KTN1: variants seen among roughly 807,000 people sequenced by gnomAD.
KTN1 encodes kinectin.
KTN1 carries 130 observed loss-of-function variants against 222.5 expected under a neutral mutation model. The ratio of observed to expected loss-of-function variants is 0.58; its 90% CI spans 0.51 to 0.68. The LOEUF (loss-of-function observed/expected upper bound fraction) is 0.68, where lower values mean the gene tolerates loss of function less well. KTN1 is among the 30% of genes least tolerant of loss of function. KTN1 has a pLI of 0.00. For missense variants in KTN1, 1,508 were observed against 1,500.4 expected (o/e 1.01, Z -0.08); for synonymous variants, 512 against 496.3 (o/e 1.03, Z -0.42).
intron 38 of KTN1, 32 bp from the exon 39 acceptor site, chr14:55,672,897 G>C: frequency 6.5e-7 from 1 of 1,536,544 alleles, no homozygotes; most frequent in East Asian, 2.3e-5. Flanking sequence ...GAAATTTTAA[G>C]TGTGTTAACT....
chr14:55,627,976 C>A lies in KTN1; in HGVS notation c.1028C>A (p.Ala343Asp). Reference protein sequence around the residue: ...QLQEKDKLLAAVKEDAAATKD... With the variant: ...QLQEKDKLLADVKEDAAATKD... ...CAAGAAAAGGACAAGTTACTCGCTGCTGTGAAGGAAGATGCTGCTGCTACA... is the reference window on the plus strand; with the variant it reads ...CAAGAAAAGGACAAGTTACTCGCTGATGTGAAGGAAGATGCTGCTGCTACA... The change falls in exon 6 of 44, where the codon GCT becomes GAT. Residue 343 changes from alanine (A) to aspartate (D), a missense_variant. By Grantham distance (126) the Ala-to-Asp change is moderately radical. Coordinates refer to ENST00000395314, the MANE Select transcript of KTN1 (RefSeq NM_001079521.2). 1 of 1,613,858 alleles carries A rather than the reference C, an allele frequency of 6.2e-7. No homozygotes were observed. Among genetic ancestry groups the A allele is most frequent in the Non-Finnish European group, 8.5e-7 (1 of 1,179,790 alleles).
intron 35 of KTN1, chr14:55,671,263 C>A (rs1388451643): frequency 6.3e-6 from 2 of 317,830 alleles, no homozygotes; most frequent in East Asian, 1.1e-4. Context: ...TGAATAAAAT[C>A]CTCTTTCCCA....
At chr14:55,646,494 CCTTTCCTTTCCTTTCCTTTCCTTT>C (rs2042353325) in intron 18 of KTN1, among the ~76,000 whole-genome samples, 4 of 105,714 alleles carry the variant, frequency 3.8e-5, no homozygotes, top group South Asian at 3.4e-4. Context: ...CCTTTCCTTT[CCTTTCCTTTCCTTTCCTTTCCTTT>C]CCTTTCCTTT....
chr14:55,607,376 C>G (rs2036885555), intron 1 of KTN1: 1 of 151,994 alleles, frequency 6.6e-6, no homozygotes, highest in Admixed American at 6.5e-5. Flanking sequence ...AATGAAAACT[C>G]TCAATATAGA....
Position 55,672,959 on chromosome 14 carries a change from G to A in KTN1, c.3634G>A (p.Glu1212Lys), listed in dbSNP as rs370695157. Residue 1212 changes from glutamate (E) to lysine (K), a missense_variant, in exon 39 of 44, where the codon GAA becomes AAA. By Grantham distance (56) the Glu-to-Lys change is moderately conservative. Coordinates refer to ENST00000395314, the MANE Select transcript of KTN1 (RefSeq NM_001079521.2). ...LRREREHLEM[E>K]LEKAEMERST... Reference sequence around the variant, plus strand: ...AAGAGAACGAGAACATTTGGAAATGGAACTAGAAAAGGCAGAGATGGAACG... The same window carrying A: ...AAGAGAACGAGAACATTTGGAAATGAAACTAGAAAAGGCAGAGATGGAACG... 108 of 1,613,254 alleles carry A rather than the reference G, an allele frequency of 6.7e-5. No homozygotes were observed. Among genetic ancestry groups the A allele is most frequent in the Non-Finnish European group, 9.0e-5 (106 of 1,179,464 alleles).
intron 17 of KTN1, 49 bp from the exon 18 acceptor site, chr14:55,641,643 T>A (rs757721531): frequency 4.3e-6 from 5 of 1,150,556 alleles, no homozygotes; most frequent in Non-Finnish European, 6.6e-6. Flanking sequence ...ATGATTGCTT[T>A]ATTACCTTTT....
chr14:55,658,661 T>A, intron 30 of KTN1, 47 bp downstream of exon 30: 1 of 1,112,520 alleles, frequency 9.0e-7, no homozygotes, highest in Non-Finnish European at 1.3e-6. Context: ...GGCAAAAAAA[T>A]TATATAACCA....
intron 7 of KTN1, among the ~76,000 whole-genome samples, chr14:55,631,388 A>G (rs1224538225): frequency 3.7e-5 from 5 of 136,982 alleles, no homozygotes; most frequent in African/African-American, 1.1e-4. Context: ...TTTCAGGCCA[A>G]TCATGAGCAA....
At chr14:55,612,654 G>T in intron 2 of KTN1, 83 bp downstream of exon 2, 1 of 1,105,630 alleles carries the variant, frequency 9.0e-7, no homozygotes, top group Admixed American at 3.0e-5. Context: ...TACATACACA[G>T]AATGTTTAAT....
chr14:55,613,442 T>C (rs990365151), intron 2 of KTN1, among the ~76,000 whole-genome samples: 2 of 152,062 alleles, frequency 1.3e-5, no homozygotes, highest in Admixed American at 6.5e-5. Flanking sequence ...AGGACTTGTA[T>C]GTACCATTAA....
In KTN1 at chr14:55,634,468, T is replaced by G. The variant is rs1292992018; in HGVS notation, c.1329-58T>G. On this transcript the variant is annotated intron_variant, in intron 8 of 43. Transcript: ENST00000395314. ...GCAAAACTAACAAAGTATGTTTTGT[T>G]TATTTCTTATATATATTTGTAATAA... is the stretch of plus-strand genomic sequence containing the variant. The G allele has an allele frequency of 1.1e-5, 16 of 1,471,032 alleles. No individual in the cohort carries two copies. The East Asian group carries it at 2.9e-4, about 27-fold the overall frequency. The allele number at this position is 1,471,032 out of a possible 1,614,324, so 91.1% of individuals were successfully genotyped here.
chr14:55,626,761 A>G (rs373869014), intron 5 of KTN1, among the ~76,000 whole-genome samples: 2 of 152,260 alleles, frequency 1.3e-5, no homozygotes, highest in South Asian at 2.1e-4. Context: ...CTTTTCAGAT[A>G]AGAGGCTTAG....
intron 1 of KTN1, among the ~76,000 whole-genome samples, chr14:55,599,652 G>T (rs10083353): frequency 0.077 from 11,671 of 151,876 alleles, 496 homozygotes; most frequent in South Asian, 0.12. Context: ...ATTTTTTGTA[G>T]TTTTAGTAGA....
rs71448461 is a variant in KTN1, at chr14:55,631,341, G to GAGATAGATATATATATATAT, written c.1221+1245_1221+1246insGATAGATATATATATATATA. 7.7e-4 allele frequency among the ~76,000 whole-genome samples: 88 copies of GAGATAGATATATATATATAT among 114,686 alleles called. 1 individual carries two copies. The highest frequency in any genetic ancestry group is 1.3e-3 in the Admixed American group (14 of 10,778). The allele number at this position is 114,686 out of a possible 152,430, so 75.2% of individuals were successfully genotyped here. A position where few individuals can be genotyped will look rare whatever the true frequency, so the allele number is the denominator to read the frequency against. On this transcript the variant is annotated intron_variant, in intron 7 of 43. Transcript: ENST00000395314. The stretch of plus-strand genomic sequence containing the variant: ...CTAAAACTCACCTATTGATAAGGTT[G>GAGATAGATATATATATATAT]ATATATATATATATATATATATATA...
In KTN1 at chr14:55,653,100, A is replaced by G. The variant is rs111938411; in HGVS notation, c.2763+15A>G. On this transcript the variant is annotated intron_variant, in intron 27 of 43. Coordinates refer to ENST00000395314, the MANE Select transcript of KTN1 (RefSeq NM_001079521.2). Reference sequence around the variant, plus strand: ...ACTTGAAAGAGGTATAGTATAAACAAATTACCAACATGTTACATAAGGAAT... The same window carrying G: ...ACTTGAAAGAGGTATAGTATAAACAGATTACCAACATGTTACATAAGGAAT... 92 of 1,449,204 alleles carry G rather than the reference A, an allele frequency of 6.3e-5. No homozygotes were observed. The highest frequency in any genetic ancestry group is 7.8e-5 in the Non-Finnish European group (81 of 1,037,122). 89.8% of individuals were successfully genotyped at this position (1,449,204 alleles called of 1,614,324 possible).
intron 1 of KTN1, among the ~76,000 whole-genome samples, chr14:55,592,550 TG>T (rs2034330207): frequency 6.6e-6 from 1 of 152,210 alleles, no homozygotes; most frequent in Admixed American, 6.5e-5. Flanking sequence ...TGGGAGATTT[TG>T]GTGTACCTGT....
chr14:55,618,567 C>T (rs759129492), intron 4 of KTN1, among the ~76,000 whole-genome samples: 22 of 152,028 alleles, frequency 1.4e-4, no homozygotes, highest in Non-Finnish European at 2.8e-4. Context: ...ATTAAAAGCC[C>T]GAGGCTCCTT....
chr14:55,599,524 G>C (rs2140448283), intron 1 of KTN1, among the ~76,000 whole-genome samples: 1 of 152,064 alleles, frequency 6.6e-6, no homozygotes, highest in East Asian at 1.9e-4. Context: ...GAGTGCAGTG[G>C]CGCAATCTTG....
At chr14:55,590,707 G>A (rs2033950679) in intron 1 of KTN1, among the ~76,000 whole-genome samples, 2 of 148,598 alleles carry the variant, frequency 1.3e-5, no homozygotes, top group African/African-American at 5.0e-5. Context: ...ATGGAGTCTC[G>A]CTCTGTTGCC....
Sources: allele counts gnomAD v4.1 joint callset (sites outside exome capture counted in the v4.1 genomes callset), GRCh38; gene constraint gnomAD v4.1.1; transcripts MANE v1.5; gene names NCBI Gene and HGNC (gene_info 2026-07-23, HGNC 2026-07-21).